Variants in DAW1 observed in about 807,000 individuals in gnomAD.
DAW1 encodes dynein assembly factor with WD repeats 1.
In DAW1, 47 loss-of-function variants were observed where a neutral mutation model predicts 56.5. The ratio of observed to expected loss-of-function variants is 0.83; its 90% CI spans 0.66 to 1.06. The LOEUF (loss-of-function observed/expected upper bound fraction) is 1.06, where lower values mean the gene tolerates loss of function less well. DAW1 is among the 50% of genes least tolerant of loss of function. DAW1 has a pLI of 0.00. For synonymous variants in DAW1, 190 were observed against 179.0 expected (o/e 1.06, Z -0.49); for missense variants, 505 against 499.3 (o/e 1.01, Z -0.11).
At chr2:227,886,395 T>A (rs1289921237) in intron 2 of DAW1, among the ~76,000 whole-genome samples, 1 of 151,998 alleles carries the variant, frequency 6.6e-6, no homozygotes, top group East Asian at 1.9e-4. Flanking sequence ...GGCAGCAGGG[T>A]CACTTGAGGT....
intron 10 of DAW1, 57 bp from the exon 11 acceptor site, chr2:227,918,723 T>C (rs749934846): frequency 1.2e-5 from 19 of 1,577,928 alleles, no homozygotes; most frequent in Non-Finnish European, 1.5e-5. Context: ...CAAAGTCTTT[T>C]ATCCAAAGTT....
intron 7 of DAW1, 61 bp from the exon 8 acceptor site, chr2:227,904,868 G>A: frequency 4.1e-6 from 6 of 1,461,788 alleles, no homozygotes; most frequent in Non-Finnish European, 4.7e-6. Context: ...CTATGATATT[G>A]TACGCTTGCA....
chr2:227,911,019 T>C (rs1691801742), intron 10 of DAW1, among the ~76,000 whole-genome samples: 1 of 152,010 alleles, frequency 6.6e-6, no homozygotes, highest in Non-Finnish European at 1.5e-5. Context: ...AACACCGCCC[T>C]ATATCTGCAT....
chr2:227,912,576 G>T, intron 10 of DAW1: 1 of 1,191,396 alleles, frequency 8.4e-7, no homozygotes, highest in Non-Finnish European at 1.1e-6. Context: ...GCTACACTTT[G>T]TGTTTGTCAT....
At chr2:227,910,406 A>C (rs903426261) in intron 10 of DAW1, among the ~76,000 whole-genome samples, 1 of 151,958 alleles carries the variant, frequency 6.6e-6, no homozygotes, top group Non-Finnish European at 1.5e-5. Context: ...GAGGAGTTCA[A>C]GGTTACAGCG....
intron 6 of DAW1, among the ~76,000 whole-genome samples, chr2:227,899,274 A>G (rs2106200948): frequency 6.6e-6 from 1 of 152,336 alleles, no homozygotes; most frequent in South Asian, 2.1e-4. Context: ...TGGGGATCAC[A>G]CCTTTCCCTC....
chr2:227,881,175 T>C (rs1691001064), intron 1 of DAW1, among the ~76,000 whole-genome samples: 1 of 152,270 alleles, frequency 6.6e-6, no homozygotes. Flanking sequence ...GGACAGAGAA[T>C]GTCCAATGCA....
In DAW1 at chr2:227,885,333, G is replaced by C. The variant is rs1404597630; in HGVS notation, c.41-18G>C. ...GGTTATCGTAAGTGTTTTATAACAT[G>C]TTTGTTTATTTCTATAGGAATTATG... On this transcript the variant is annotated intron_variant, in intron 1 of 12. Transcript: ENST00000309931. The C allele has an allele frequency of 6.5e-7, 1 of 1,545,464 alleles. No homozygotes were observed. The highest frequency in any genetic ancestry group is 1.4e-5 in the African/African-American group (1 of 72,142).
At position 227,889,859 on chromosome 2, in the gene DAW1, T is replaced by C. The variant is rs747564684; in HGVS notation, c.117T>C (p.Thr39=). The change falls in exon 3 of 13, where the codon ACT becomes ACC. Residue 39 remains threonine, a synonymous_variant. Transcript: ENST00000309931. ...SIDLLDLGPS[T]DVSALVEEIQ... is the part of the protein sequence containing the mutation. ...CTCTTTTTTGGGTGTATTTCAGCAC[T>C]GATGTCAGTGCGTTAGTAGAAGAAA... The C allele has an allele frequency of 4.4e-6, 7 of 1,591,080 alleles. No homozygotes were observed. The South Asian group carries it at 8.1e-5, about 19-fold the overall frequency.
intron 6 of DAW1, among the ~76,000 whole-genome samples, chr2:227,902,307 T>G (rs1691565810): frequency 6.6e-6 from 1 of 152,074 alleles, no homozygotes; most frequent in South Asian, 2.1e-4. Flanking sequence ...GTGCATCAGA[T>G]AGATAGGGGC....
chr2:227,920,732 A>G (rs1692086018), intron 11 of DAW1, among the ~76,000 whole-genome samples: 2 of 152,026 alleles, frequency 1.3e-5, no homozygotes, highest in South Asian at 4.1e-4. Flanking sequence ...GCTGGAGAGC[A>G]GTGGCATGAT....
Position 227,909,116 on chromosome 2 carries a change from C to G in DAW1, c.973+1864C>G, listed in dbSNP as rs534279479. On this transcript the variant is annotated intron_variant, in intron 10 of 12. Transcript: ENST00000309931. Reference sequence around the variant, plus strand: ...AACCATATATGATACTATTCCATATCTTAGTATTTCTTAGAAATCCATGTA... The same window carrying G: ...AACCATATATGATACTATTCCATATGTTAGTATTTCTTAGAAATCCATGTA... 5.3e-5 allele frequency among the ~76,000 whole-genome samples: 8 copies of G among 151,976 alleles called. 1 individual carries two copies. Among genetic ancestry groups the G allele is most frequent in the African/African-American group, 9.6e-5 (4 of 41,472 alleles).
At chr2:227,910,920 C>T (rs1034542329) in intron 10 of DAW1, among the ~76,000 whole-genome samples, 3 of 151,898 alleles carry the variant, frequency 2.0e-5, no homozygotes, top group African/African-American at 4.8e-5. Flanking sequence ...GTGTCATCAC[C>T]CAGATACTTT....
chr2:227,920,843 G>A (rs1692089239), intron 11 of DAW1, among the ~76,000 whole-genome samples: 1 of 151,980 alleles, frequency 6.6e-6, no homozygotes, highest in African/African-American at 2.4e-5. Flanking sequence ...TCCATGCCAA[G>A]CTAAATTTGT....
intron 1 of DAW1, among the ~76,000 whole-genome samples, chr2:227,876,186 A>T (rs7583414): frequency 0.41 from 62,746 of 151,840 alleles, 14,090 homozygotes; most frequent in Admixed American, 0.56. Flanking sequence ...AGGCTAATTA[A>T]TTTTTTTGTA....
rs73094407 is a variant in DAW1 at position 227,919,575 on chromosome 2, T to C, written c.1050+719T>C. Among the ~76,000 whole-genome samples the C allele has an allele frequency of 5.5e-3, 834 of 152,328 alleles. 9 individuals are homozygous for C. Among genetic ancestry groups the C allele is most frequent in the African/African-American group, 0.019 (802 of 41,568 alleles). On this transcript the variant is annotated intron_variant, in intron 11 of 12. Transcript: ENST00000309931. ...AAGTTAGATGCAATTGAGGAAGTAG[T>C]TCCTGGAAATATGTAAAATTATAAT...
intron 10 of DAW1, among the ~76,000 whole-genome samples, chr2:227,909,166 T>C (rs1304390998): frequency 1.3e-5 from 2 of 151,598 alleles, no homozygotes; most frequent in Non-Finnish European, 2.9e-5. Context: ...TTATACCTCA[T>C]TGCCCTGGCC....
intron 10 of DAW1, among the ~76,000 whole-genome samples, chr2:227,913,769 G>A (rs1691883768): frequency 6.6e-6 from 1 of 151,924 alleles, no homozygotes; most frequent in Non-Finnish European, 1.5e-5. Flanking sequence ...CATATGTCAT[G>A]CTCTTTATGG....
At chr2:227,911,828 T>C (rs1691834252) in intron 10 of DAW1, among the ~76,000 whole-genome samples, 1 of 152,172 alleles carries the variant, frequency 6.6e-6, no homozygotes, top group African/African-American at 2.4e-5. Context: ...ATCCCTGATA[T>C]CCACATGTGA....
Sources: allele counts gnomAD v4.1 joint callset (sites outside exome capture counted in the v4.1 genomes callset), GRCh38; gene constraint gnomAD v4.1.1; transcripts MANE v1.5; gene names NCBI Gene and HGNC (gene_info 2026-07-23, HGNC 2026-07-21).